DEK: variants seen among roughly 807,000 people sequenced by gnomAD.
DEK encodes DEK proto-oncogene, also known as protein DEK.
In DEK, 28 loss-of-function variants were observed where a neutral mutation model predicts 46.8. That is an observed-to-expected ratio of 0.60 (90% CI 0.44 to 0.82). The LOEUF is 0.82. Among genes scored for constraint, DEK ranks in the 40% least tolerant of loss-of-function variants. The pLI is 0.00. For synonymous variants in DEK, 160 were observed against 144.5 expected, an observed-to-expected ratio of 1.11 and a Z score of -0.77; for missense variants, 416 against 430.6, an observed-to-expected ratio of 0.97 and a Z score of 0.30.
rs1286024895 is a variant in DEK at position 18,263,848 on chromosome 6, T to C, written c.140A>G (p.Glu47Gly). ...TGGGATGCGACTCCCCCCACCTTTT[T>C]CCTCCTCCTCCTCCTCCTCGTCGTC... ...DEDDEEEEEE[E>G]KEKSLIVEGK... The change falls in exon 2 of 11, where the codon GAA becomes GGA. Residue 47 changes from glutamate (E) to glycine (G), a missense_variant. By Grantham distance (98) the Glu-to-Gly change is moderately conservative (BLOSUM62 -2). Transcript: ENST00000652689. 1.3e-6 allele frequency: 2 copies of C among 1,577,768 alleles called. No individual in the cohort carries two copies. The highest frequency in any genetic ancestry group is 8.6e-7 in the Non-Finnish European group (1 of 1,161,134).
chr6:18,236,338 C>A, intron 9 of DEK, 114 bp downstream of exon 9: 1 of 1,154,286 alleles, frequency 8.7e-7, no homozygotes, highest in Admixed American at 2.5e-5. Context: ...TATAGTAGTT[C>A]AATAAATCTT....
At chr6:18,244,472 G>T in intron 7 of DEK, 1 of 1,167,174 alleles carries the variant, frequency 8.6e-7, no homozygotes, top group Non-Finnish European at 1.1e-6. Context: ...ACTTTTTGAA[G>T]GAAGGCAAAA....
chr6:18,264,026 G>C, intron 1 of DEK, 30 bp from the exon 2 acceptor site: 1 of 1,572,244 alleles, frequency 6.4e-7, no homozygotes, highest in Non-Finnish European at 8.6e-7. Context: ...CGGACGTCTC[G>C]GTCCTCCTAC....
rs558872035 is a variant in DEK, at chr6:18,223,989, A to T, written c.*1730T>A. The T allele has an allele frequency of 1.3e-5, 2 of 153,418 alleles. No homozygotes were observed. Among genetic ancestry groups the T allele is most frequent in the Non-Finnish European group, 2.9e-5 (2 of 68,810 alleles). 9.5% of individuals were successfully genotyped at this position (153,418 alleles called of 1,614,324 possible). A position where few individuals can be genotyped will look rare whatever the true frequency, so the allele number is the denominator to read the frequency against. ...CTTACCTTCTTTATAGCAAATGGTC[A>T]TAAAATTAACCTTAATTATTCAGTT... On this transcript the variant is annotated 3_prime_UTR_variant, in exon 11 of 11. Transcript: ENST00000652689.
rs774631500 is a variant in DEK at position 18,249,832 on chromosome 6, G to C, written c.581C>G (p.Pro194Arg). ...TTTGCTACAAGTTTTTTTAGATTTC[G>C]GCAATGGCTGCATAAAAATTTATAA... Reference protein sequence around the residue: ...MHPKPSGKPLPKSKKTCSKGS... With the variant: ...MHPKPSGKPLRKSKKTCSKGS... Residue 194 changes from proline to arginine, a missense_variant, in exon 7 of 11, where the codon CCG (proline) becomes CGG (arginine). Pro to Arg is a moderately radical substitution (Grantham distance 103, BLOSUM62 -2). Coordinates refer to ENST00000652689, the MANE Select transcript of DEK (RefSeq NM_003472.4). 1.9e-6 allele frequency: 3 copies of C among 1,588,572 alleles called. No individual in the cohort carries two copies. Among genetic ancestry groups the C allele is most frequent in the Admixed American group, 1.9e-5 (1 of 52,540 alleles).
chr6:18,236,371 A>C (rs1790647537), intron 9 of DEK, 81 bp downstream of exon 9: 2 of 1,459,834 alleles, frequency 1.4e-6, no homozygotes, highest in Non-Finnish European at 1.9e-6. Flanking sequence ...GAATGCACGT[A>C]AGTATTTAGC....
At chr6:18,247,284 G>T (rs1409838014) in intron 7 of DEK, among the ~76,000 whole-genome samples, 1 of 152,114 alleles carries the variant, frequency 6.6e-6, no homozygotes, top group African/African-American at 2.4e-5. Context: ...AAAAAAAGGG[G>T]GGGAAACAAT....
At position 18,236,368 on chromosome 6, in the gene DEK, CG is replaced by C. The variant is rs376257492; in HGVS notation, c.1047+83del. On this transcript the variant is annotated intron_variant, in intron 9 of 10. Coordinates refer to ENST00000652689, the MANE Select transcript of DEK (RefSeq NM_003472.4). ...AATCTTTCTTCAATAAGTGAATGCA[CG>C]TAAGTATTTAGCTTCAAATTCAGAG... 326 of 1,435,612 alleles carry C rather than the reference CG, an allele frequency of 2.3e-4. 1 individual carries two copies. The African/African-American group carries it at 4.2e-3, about 18-fold the overall frequency. 88.9% of individuals were successfully genotyped at this position (1,435,612 alleles called of 1,614,324 possible).
rs559987607 is a variant in DEK, at chr6:18,241,576, C to T, written c.763-4060G>A. Among the ~76,000 whole-genome samples, 247 of 152,270 alleles carry T rather than the reference C, an allele frequency of 1.6e-3. 2 individuals carry two copies. The highest frequency in any genetic ancestry group is 2.0e-3 in the Non-Finnish European group (136 of 68,028). On this transcript the variant is annotated intron_variant, in intron 7 of 10. Coordinates refer to ENST00000652689, the MANE Select transcript of DEK (RefSeq NM_003472.4). ...GAACAAGGGTGTTACAGCCAAACAT[C>T]CTGATTCCTGAGCACCTGTATATGT...
Position 18,256,463 on chromosome 6 carries a change from T to C in DEK, c.358-8A>G. 1 of 1,606,116 alleles carries C rather than the reference T, an allele frequency of 6.2e-7. No homozygotes were observed. Among genetic ancestry groups the C allele is most frequent in the Non-Finnish European group, 8.5e-7 (1 of 1,175,776 alleles). The stretch of plus-strand genomic sequence containing the variant: ...CTTCTTTAATGAGGACACCTGAAAA[T>C]GTTCCTTATTATTAATGGTATTTAT... On this transcript the variant is annotated splice_polypyrimidine_tract_variant and splice_region_variant and intron_variant, in intron 4 of 10. Transcript: ENST00000652689.
chr6:18,225,895 C>T, intron 10 of DEK, 165 bp from the exon 11 acceptor site: 1 of 842,564 alleles, frequency 1.2e-6, no homozygotes, highest in Non-Finnish European at 1.8e-6. Flanking sequence ...ACAGGAACTT[C>T]CTCAAGTATT....
In DEK at chr6:18,224,189, A is replaced by G. The variant is rs1790007752; in HGVS notation, c.*1530T>C. On this transcript the variant is annotated 3_prime_UTR_variant, in exon 11 of 11. Coordinates refer to ENST00000652689, the MANE Select transcript of DEK (RefSeq NM_003472.4). ...GTGACTTAAAACACCAGTGATTTAG[A>G]TTTATTTTTATTGACAAGGTTTATA... 5.7e-6 allele frequency: 1 copy of G among 175,252 alleles called. No individual in the cohort carries two copies. Among genetic ancestry groups the G allele is most frequent in the African/African-American group, 2.4e-5 (1 of 42,202 alleles). The allele number at this position is 175,252 out of a possible 1,614,324, so 10.9% of individuals were successfully genotyped here. A position where few individuals can be genotyped will look rare whatever the true frequency, so the allele number is the denominator to read the frequency against.
Position 18,224,165 on chromosome 6 carries a change from T to G in DEK, c.*1554A>C, listed in dbSNP as rs945142972. On this transcript the variant is annotated 3_prime_UTR_variant, in exon 11 of 11. Coordinates refer to ENST00000652689, the MANE Select transcript of DEK (RefSeq NM_003472.4). Reference sequence around the variant, plus strand: ...ACACCTATAAGATATCAAATGCAAGTGACTTAAAACACCAGTGATTTAGAT... The same window carrying G: ...ACACCTATAAGATATCAAATGCAAGGGACTTAAAACACCAGTGATTTAGAT... The G allele has an allele frequency of 1.2e-5, 2 of 173,126 alleles. No homozygotes were observed. Among genetic ancestry groups the G allele is most frequent in the Non-Finnish European group, 2.5e-5 (2 of 79,628 alleles). 10.7% of individuals were successfully genotyped at this position (173,126 alleles called of 1,614,324 possible).
In DEK at chr6:18,259,394, C is replaced by CAAAAAA. The variant is rs56704006; in HGVS notation, c.146-995_146-990dup. Among the ~76,000 whole-genome samples the CAAAAAA allele has an allele frequency of 1.0e-3, 43 of 41,480 alleles. 4 individuals carry two copies. Among genetic ancestry groups the CAAAAAA allele is most frequent in the Non-Finnish European group, 1.6e-3 (30 of 19,168 alleles). 27.2% of individuals were successfully genotyped at this position (41,480 alleles called of 152,430 possible). The stretch of plus-strand genomic sequence containing the variant: ...TGGGCGACACAGCAAGACTCCGTCT[C>CAAAAAA]AAAAAAAAAAAAAAAAAAAAAAAAA... On this transcript the variant is annotated intron_variant, in intron 2 of 10. Coordinates refer to ENST00000652689, the MANE Select transcript of DEK (RefSeq NM_003472.4).
intron 10 of DEK, 101 bp from the exon 11 acceptor site, chr6:18,225,831 A>G: frequency 1.5e-6 from 2 of 1,374,854 alleles, no homozygotes; most frequent in South Asian, 1.2e-5. Context: ...ATCAGTTGAG[A>G]TCAATACAGA....
intron 9 of DEK, among the ~76,000 whole-genome samples, chr6:18,228,554 G>A (rs148343980): frequency 4.5e-4 from 69 of 152,248 alleles, no homozygotes; most frequent in African/African-American, 1.3e-3. Flanking sequence ...CCAACCGAGC[G>A]TGAGCTGAAG....
intron 9 of DEK, among the ~76,000 whole-genome samples, chr6:18,227,418 G>A (rs1457550216): frequency 6.6e-6 from 1 of 152,090 alleles, no homozygotes; most frequent in Non-Finnish European, 1.5e-5. Flanking sequence ...TCTTTACCTT[G>A]ACTATGATGC....
chr6:18,239,009 C>T (rs1790788283), intron 7 of DEK, among the ~76,000 whole-genome samples: 1 of 152,130 alleles, frequency 6.6e-6, no homozygotes, highest in Non-Finnish European at 1.5e-5. Context: ...ACCGCAACCT[C>T]TGCCTCCCGG....
intron 9 of DEK, among the ~76,000 whole-genome samples, chr6:18,232,208 C>T (rs1790443026): frequency 6.6e-6 from 1 of 152,100 alleles, no homozygotes; most frequent in Admixed American, 6.6e-5. Context: ...AGTGATGTGA[C>T]GTATCTCAAA....
Sources: gnomAD v4.1 joint callset for allele counts (sites outside exome capture counted in the v4.1 genomes callset) on GRCh38, gnomAD v4.1.1 for gene constraint, MANE v1.5 for transcripts, NCBI Gene and HGNC (gene_info 2026-07-23, HGNC 2026-07-21) for gene names.